KCNQ3: variants seen among roughly 807,000 people sequenced by gnomAD.
KCNQ3 encodes potassium voltage-gated channel subfamily KQT member 3.
A neutral mutation model predicts 92.5 loss-of-function variants in KCNQ3; 30 were observed. The ratio of observed to expected loss-of-function variants is 0.32; its 90% CI spans 0.24 to 0.44. KCNQ3 has a LOEUF of 0.44. Ranked by LOEUF, KCNQ3 falls within the 20% of genes least tolerant of loss-of-function variation. The pLI is 1.00. For synonymous variants in KCNQ3, 450 were observed against 468.8 expected, an observed-to-expected ratio of 0.96 and a Z score of 0.52; for missense variants, 913 against 1,140.3, an observed-to-expected ratio of 0.80 and a Z score of 2.87.
intron 1 of KCNQ3, among the ~76,000 whole-genome samples, chr8:132,326,991 A>G (rs1191245637): frequency 1.3e-5 from 2 of 152,148 alleles, no homozygotes; most frequent in East Asian, 3.9e-4. Context: ...GCCATATTCT[A>G]TATTTACTGC....
chr8:132,473,993 T>A (rs1173038312), intron 1 of KCNQ3, among the ~76,000 whole-genome samples: 4 of 152,206 alleles, frequency 2.6e-5, no homozygotes, highest in Non-Finnish European at 5.9e-5. Context: ...GTATTTCTTG[T>A]GATCATTTTC....
At chr8:132,300,804 C>CATG (rs1164665037) in intron 1 of KCNQ3, among the ~76,000 whole-genome samples, 2 of 152,128 alleles carry the variant, frequency 1.3e-5, no homozygotes, top group African/African-American at 4.8e-5. Context: ...AATTCTTTTC[C>CATG]ATGACCCCTT....
rs191335636 is a variant in KCNQ3 at position 132,375,015 on chromosome 8, T to C, written c.386+105132A>G. Among the ~76,000 whole-genome samples the C allele has an allele frequency of 3.3e-4, 50 of 152,350 alleles. No homozygotes were observed. In the East Asian group the frequency reaches 9.3e-3, roughly 28 times the overall value. On this transcript the variant is annotated intron_variant, in intron 1 of 14. Transcript: ENST00000388996. ...ATGTGTACATGTCTTTGTGGTAGAA[T>C]GATTTTTATTCCTCTGGGTATATAC...
At chr8:132,425,174 G>A (rs940419586) in intron 1 of KCNQ3, among the ~76,000 whole-genome samples, 11 of 152,190 alleles carry the variant, frequency 7.2e-5, no homozygotes, top group Admixed American at 6.5e-5. Flanking sequence ...CCAACTGGAC[G>A]CCAATACATA....
chr8:132,352,453 C>T (rs1480825376), intron 1 of KCNQ3, among the ~76,000 whole-genome samples: 1 of 152,240 alleles, frequency 6.6e-6, no homozygotes, highest in East Asian at 1.9e-4. Flanking sequence ...AATGCTAATG[C>T]TGGAAAACTC....
At chr8:132,344,132 G>A (rs2130691382) in intron 1 of KCNQ3, among the ~76,000 whole-genome samples, 1 of 152,196 alleles carries the variant, frequency 6.6e-6, no homozygotes, top group Admixed American at 6.5e-5. Context: ...GGAGGAAAAG[G>A]GATTCTCCCA....
At chr8:132,475,918 G>C (rs1243951475) in intron 1 of KCNQ3, among the ~76,000 whole-genome samples, 1 of 152,196 alleles carries the variant, frequency 6.6e-6, no homozygotes, top group Non-Finnish European at 1.5e-5. Flanking sequence ...CAGAGGCCTA[G>C]GGGGGAAAAA....
intron 1 of KCNQ3, among the ~76,000 whole-genome samples, chr8:132,232,929 G>C (rs1001812309): frequency 6.6e-6 from 1 of 152,128 alleles, no homozygotes; most frequent in Non-Finnish European, 1.5e-5. Context: ...CACAGATGCC[G>C]TGTTTTTATG....
rs112037554 is a variant in KCNQ3 at position 132,423,263 on chromosome 8, C to T, written c.386+56884G>A. The stretch of plus-strand genomic sequence containing the variant: ...ACCAAAGGGAACCATTTCTGAGAAA[C>T]GACAATAAAGTTGCCCACCAAACAG... On this transcript the variant is annotated intron_variant, in intron 1 of 14. Transcript: ENST00000388996. Among the ~76,000 whole-genome samples, 189 of 152,280 alleles carry T rather than the reference C, an allele frequency of 1.2e-3. 1 individual carries two copies. Among genetic ancestry groups the T allele is most frequent in the African/African-American group, 3.9e-3 (163 of 41,552 alleles).
chr8:132,405,986 A>C (rs904751454), intron 1 of KCNQ3, among the ~76,000 whole-genome samples: 4 of 152,178 alleles, frequency 2.6e-5, no homozygotes, highest in African/African-American at 9.7e-5. Flanking sequence ...ACAACAAACC[A>C]GGCAGAAATG....
intron 3 of KCNQ3, 129 bp downstream of exon 3, chr8:132,184,112 G>A (rs933053289): frequency 2.7e-5 from 31 of 1,158,684 alleles, no homozygotes; most frequent in East Asian, 9.4e-5. Flanking sequence ...TCGAGGCAGC[G>A]TCAGGGGCTG....
Position 132,265,614 on chromosome 8 carries a change from C to T in KCNQ3, c.387-79433G>A, listed in dbSNP as rs963320229. On this transcript the variant is annotated intron_variant, in intron 1 of 14. Transcript: ENST00000388996. Reference sequence around the variant, plus strand: ...AATAATAACCTCTTATTCAGAGAGGCTTATGTGTTACACATTCTGCATCAG... The same window carrying T: ...AATAATAACCTCTTATTCAGAGAGGTTTATGTGTTACACATTCTGCATCAG... Among the ~76,000 whole-genome samples the T allele has an allele frequency of 2.0e-5, 3 of 152,298 alleles. No homozygotes were observed. In the East Asian group the frequency reaches 5.8e-4, roughly 29 times the overall value.
chr8:132,293,658 G>A (rs1011904010), intron 1 of KCNQ3, among the ~76,000 whole-genome samples: 4 of 152,148 alleles, frequency 2.6e-5, no homozygotes, highest in African/African-American at 9.7e-5. Context: ...CAGACTATAG[G>A]GGAGGCAGGT....
chr8:132,191,026 C>T (rs979011911), intron 1 of KCNQ3, among the ~76,000 whole-genome samples: 5 of 152,130 alleles, frequency 3.3e-5, no homozygotes, highest in African/African-American at 4.8e-5. Context: ...ACAATTTCAG[C>T]GATTAGCAAT....
intron 1 of KCNQ3, among the ~76,000 whole-genome samples, chr8:132,441,488 A>G (rs1821534776): frequency 6.6e-6 from 1 of 152,196 alleles, no homozygotes; most frequent in Non-Finnish European, 1.5e-5. Flanking sequence ...CGGAAGGCAG[A>G]GCTTGCCGTG....
At chr8:132,212,410 A>G (rs1813889952) in intron 1 of KCNQ3, among the ~76,000 whole-genome samples, 1 of 151,990 alleles carries the variant, frequency 6.6e-6, no homozygotes, top group South Asian at 2.1e-4. Flanking sequence ...TCTTCCATGA[A>G]AAGCTCTTCA....
chr8:132,176,189 G>C (rs1049461528), intron 4 of KCNQ3, among the ~76,000 whole-genome samples: 2 of 152,150 alleles, frequency 1.3e-5, no homozygotes, highest in Non-Finnish European at 2.9e-5. Context: ...TATTGATTTA[G>C]AGCCTATGCA....
intron 1 of KCNQ3, among the ~76,000 whole-genome samples, chr8:132,477,814 G>A (rs1401934473): frequency 1.3e-5 from 2 of 152,164 alleles, no homozygotes; most frequent in African/African-American, 2.4e-5. Context: ...TTAACAATGG[G>A]GAAAGGGGCA....
chr8:132,219,506 T>C (rs935997149), intron 1 of KCNQ3, among the ~76,000 whole-genome samples: 16 of 152,188 alleles, frequency 1.1e-4, no homozygotes, highest in African/African-American at 3.6e-4. Flanking sequence ...ACCCGCTCTC[T>C]GTCCCTGGGA....
Sources: gnomAD v4.1 joint callset for allele counts (sites outside exome capture counted in the v4.1 genomes callset) on GRCh38, gnomAD v4.1.1 for gene constraint, MANE v1.5 for transcripts, NCBI Gene and HGNC (gene_info 2026-07-23, HGNC 2026-07-21) for gene names.